ASAP1: variants seen among roughly 807,000 people sequenced by gnomAD.
ASAP1 encodes arf-GAP with SH3 domain, ANK repeat and PH domain-containing protein 1.
ASAP1 carries 43 observed loss-of-function variants against 145.2 expected under a neutral mutation model. The observed-to-expected ratio is 0.30, with a 90% confidence interval of 0.23 to 0.38. The LOEUF (loss-of-function observed/expected upper bound fraction) is 0.38, where lower values mean the gene tolerates loss of function less well. Ranked by LOEUF, ASAP1 falls within the 10% of genes least tolerant of loss-of-function variation. The pLI is 1.00. For missense variants in ASAP1, 1,018 were observed against 1,355.3 expected, an observed-to-expected ratio of 0.75 and a Z score of 3.91; for synonymous variants, 546 against 515.5, an observed-to-expected ratio of 1.06 and a Z score of -0.80.
rs567395041 is a variant in ASAP1, at chr8:130,127,228, C to CT, written c.1381+698dup. On this transcript the variant is annotated intron_variant, in intron 16 of 29. Coordinates refer to ENST00000518721, the MANE Select transcript of ASAP1 (RefSeq NM_018482.4). ...ATTTCACATGCACCATTTCTTTTTT[C>CT]TTTTTTTTGAGACAGTCTCGCTCTG... Among the ~76,000 whole-genome samples, 574 of 151,882 alleles carry CT rather than the reference C, an allele frequency of 3.8e-3. 5 individuals are homozygous for CT. Among genetic ancestry groups the CT allele is most frequent in the African/African-American group, 0.013 (558 of 41,442 alleles).
intron 3 of ASAP1, among the ~76,000 whole-genome samples, chr8:130,355,762 T>A (rs1826267775): frequency 6.6e-6 from 1 of 152,170 alleles, no homozygotes; most frequent in African/African-American, 2.4e-5. Flanking sequence ...ATGGTGGCTA[T>A]CCTTCAGTAA....
intron 27 of ASAP1, among the ~76,000 whole-genome samples, chr8:130,072,078 G>A (rs1384427056): frequency 1.3e-5 from 2 of 152,112 alleles, no homozygotes; most frequent in African/African-American, 4.8e-5. Flanking sequence ...CACCTTCCAT[G>A]AGAGGGTCCT....
At chr8:130,180,632 AAC>A (rs1814289222) in intron 8 of ASAP1, 117 bp downstream of exon 8, 1 of 1,241,062 alleles carries the variant, frequency 8.1e-7, no homozygotes, top group African/African-American at 1.5e-5. Flanking sequence ...ATCCTTAAGA[AAC>A]AGTTTCCTCT....
At chr8:130,126,973 T>C (rs774895391) in intron 16 of ASAP1, among the ~76,000 whole-genome samples, 9 of 152,162 alleles carry the variant, frequency 5.9e-5, no homozygotes, top group African/African-American at 9.6e-5. Flanking sequence ...AATGAGAACA[T>C]TGGGATCTTG....
intron 11 of ASAP1, among the ~76,000 whole-genome samples, chr8:130,165,187 G>A (rs2097677463): frequency 1.3e-5 from 2 of 152,114 alleles, no homozygotes; most frequent in Admixed American, 1.3e-4. Flanking sequence ...GCTAGCATGA[G>A]CGGAACACTT....
intron 3 of ASAP1, among the ~76,000 whole-genome samples, chr8:130,315,224 T>A (rs1349095972): frequency 6.6e-6 from 1 of 151,948 alleles, no homozygotes; most frequent in Non-Finnish European, 1.5e-5. Context: ...TGGGAGGGGA[T>A]CATTCTAGGA....
In ASAP1 at chr8:130,156,581, G is replaced by A. The variant is rs529308293; in HGVS notation, c.1010+3283C>T. 1.2e-4 allele frequency among the ~76,000 whole-genome samples: 19 copies of A among 152,354 alleles called. 1 individual carries two copies. In the South Asian group the frequency reaches 1.9e-3, roughly 15 times the overall value. On this transcript the variant is annotated intron_variant, in intron 12 of 29. Coordinates refer to ENST00000518721, the MANE Select transcript of ASAP1 (RefSeq NM_018482.4). The stretch of plus-strand genomic sequence containing the variant: ...ACAAAAGAACGAAGAAGTCAAGGGG[G>A]TGAATTTGTGCCAGTTTATGCCTTG...
chr8:130,351,640 C>T (rs967038535), intron 3 of ASAP1, among the ~76,000 whole-genome samples: 4 of 151,564 alleles, frequency 2.6e-5, no homozygotes, highest in Non-Finnish European at 4.4e-5. Flanking sequence ...AAAGCAGGGG[C>T]GAGAGAGAGA....
intron 3 of ASAP1, among the ~76,000 whole-genome samples, chr8:130,328,894 T>C (rs1824508260): frequency 6.6e-6 from 1 of 152,052 alleles, no homozygotes; most frequent in Admixed American, 6.6e-5. Context: ...CCTCCCAAAG[T>C]GTTGGGATTA....
chr8:130,094,346 G>A (rs1282157013), intron 24 of ASAP1, among the ~76,000 whole-genome samples: 1 of 151,896 alleles, frequency 6.6e-6, no homozygotes, highest in Non-Finnish European at 1.5e-5. Context: ...GAGTAGCTGG[G>A]ACTACAGGCA....
At chr8:130,113,119 A>C (rs2135593603) in intron 23 of ASAP1, among the ~76,000 whole-genome samples, 1 of 152,280 alleles carries the variant, frequency 6.6e-6, no homozygotes, top group Non-Finnish European at 1.5e-5. Context: ...TGCTCTTTAG[A>C]CAATAAACCT....
chr8:130,263,069 A>G (rs1974313), intron 3 of ASAP1, among the ~76,000 whole-genome samples: 27,651 of 152,232 alleles, frequency 0.18, 3,224 homozygotes, highest in East Asian at 0.44. Context: ...ACTAATACGA[A>G]TATGAATTTA....
chr8:130,351,337 G>A (rs1382436630), intron 3 of ASAP1, among the ~76,000 whole-genome samples: 1 of 152,112 alleles, frequency 6.6e-6, no homozygotes, highest in African/African-American at 2.4e-5. Flanking sequence ...TAATGTCTGT[G>A]AGCCTTTATG....
At chr8:130,284,886 TGAGAGAGAGA>T (rs112517433) in intron 3 of ASAP1, among the ~76,000 whole-genome samples, 1 of 124,358 alleles carries the variant, frequency 8.0e-6, no homozygotes, top group Non-Finnish European at 1.7e-5. Context: ...CACACCATAC[TGAGAGAGAGA>T]GAGAAAGAGA....
chr8:130,338,452 G>A (rs1414973240), intron 3 of ASAP1, among the ~76,000 whole-genome samples: 2 of 152,146 alleles, frequency 1.3e-5, no homozygotes, highest in Non-Finnish European at 2.9e-5. Context: ...CAGAAGATAC[G>A]TGTCAGGTAA....
intron 5 of ASAP1, among the ~76,000 whole-genome samples, chr8:130,204,812 G>C (rs1192458540): frequency 1.3e-5 from 2 of 152,154 alleles, no homozygotes; most frequent in African/African-American, 4.8e-5. Flanking sequence ...ATGGAGATTT[G>C]GGGGTTCATG....
At chr8:130,099,566 T>C (rs907945851) in intron 24 of ASAP1, among the ~76,000 whole-genome samples, 1 of 152,126 alleles carries the variant, frequency 6.6e-6, no homozygotes, top group Non-Finnish European at 1.5e-5. Context: ...TGTTTTGTTT[T>C]AGCTCCCACA....
At chr8:130,430,483 C>A (rs1830098687) in intron 1 of ASAP1, among the ~76,000 whole-genome samples, 1 of 152,154 alleles carries the variant, frequency 6.6e-6, no homozygotes, top group Non-Finnish European at 1.5e-5. Flanking sequence ...CCAGGGCTGA[C>A]CCTCGGTCTG....
At chr8:130,101,931 G>A (rs1479597748) in intron 24 of ASAP1, among the ~76,000 whole-genome samples, 1 of 151,714 alleles carries the variant, frequency 6.6e-6, no homozygotes, top group Non-Finnish European at 1.5e-5. Context: ...ACTGATTTTT[G>A]TATGTTGATT....
Sources: allele counts gnomAD v4.1 joint callset (sites outside exome capture counted in the v4.1 genomes callset), GRCh38; gene constraint gnomAD v4.1.1; transcripts MANE v1.5; gene names NCBI Gene and HGNC (gene_info 2026-07-23, HGNC 2026-07-21).